The following FAM120B variants were observed in gnomAD, a reference collection of about 807,000 sequenced individuals.
The protein encoded by FAM120B is family with sequence similarity 120 member B.
A neutral mutation model predicts 96.3 loss-of-function variants in FAM120B; 83 were observed. The observed-to-expected ratio is 0.86, with a 90% CI of 0.72 to 1.03. The LOEUF (loss-of-function observed/expected upper bound fraction) is 1.03, where lower values mean the gene tolerates loss of function less well. FAM120B is among the 50% of genes least tolerant of loss of function. The probability of loss-of-function intolerance (pLI) is 0.00; values close to 1 mark genes in which losing one functional copy is unlikely to be tolerated. For synonymous variants in FAM120B, 407 were observed against 402.7 expected (o/e 1.01, Z -0.13); for missense variants, 1,027 against 1,121.2 (o/e 0.92, Z 1.20).
At chr6:170,332,825 G>A (rs936296024) in intron 4 of FAM120B, among the ~76,000 whole-genome samples, 1 of 152,016 alleles carries the variant, frequency 6.6e-6, no homozygotes, top group African/African-American at 2.4e-5. Context: ...GATTTTCCTT[G>A]TTCTTCTAAG....
At chr6:170,352,425 G>T (rs760262284) in intron 5 of FAM120B, among the ~76,000 whole-genome samples, 1 of 152,150 alleles carries the variant, frequency 6.6e-6, no homozygotes, top group Non-Finnish European at 1.5e-5. Flanking sequence ...GGATCACTTG[G>T]ACCTGATAGA....
At chr6:170,315,553 A>G (rs975928805) in intron 1 of FAM120B, among the ~76,000 whole-genome samples, 1 of 152,186 alleles carries the variant, frequency 6.6e-6, no homozygotes, top group African/African-American at 2.4e-5. Flanking sequence ...TGTTTCCAAG[A>G]TAAACTCTTT....
rs1429224420 is a variant in FAM120B, at chr6:170,323,188, T to TA, written c.1845dup (p.Pro616ThrfsTer62). 6.2e-7 allele frequency: 1 copy of TA among 1,603,132 alleles called. No individual in the cohort carries two copies. Among genetic ancestry groups the TA allele is most frequent in the Non-Finnish European group, 8.5e-7 (1 of 1,169,948 alleles). Reference sequence around the variant, plus strand: ...CTAGAAGATGAGCTTGACCAGGCCTTACCCAGCCAGGCCTTCATTTACCGT... The same window carrying TA: ...CTAGAAGATGAGCTTGACCAGGCCTTAACCCAGCCAGGCCTTCATTTACCGT... On this transcript the variant is annotated frameshift_variant, in exon 3 of 11. Coordinates refer to ENST00000476287, the MANE Select transcript of FAM120B (RefSeq NM_032448.3). LOFTEE classifies it high-confidence loss of function.
chr6:170,321,006 T>C (rs1785251381), intron 2 of FAM120B, among the ~76,000 whole-genome samples: 1 of 151,912 alleles, frequency 6.6e-6, no homozygotes, highest in Admixed American at 6.6e-5. Context: ...GGGTTGGGAG[T>C]GGAGGCAAAG....
chr6:170,303,155 C>T (rs1011862839), upstream of FAM120B, among the ~76,000 whole-genome samples: 1 of 152,166 alleles, frequency 6.6e-6, no homozygotes, highest in Non-Finnish European at 1.5e-5. Context: ...GTTGCCCACA[C>T]CACACACTCC....
intron 5 of FAM120B, among the ~76,000 whole-genome samples, chr6:170,355,466 A>G (rs1787848159): frequency 6.6e-6 from 1 of 152,190 alleles, no homozygotes; most frequent in Admixed American, 6.5e-5. Context: ...AAACACAGGA[A>G]CAGAAAACCA....
At chr6:170,316,830 G>A (rs1222680530) in intron 1 of FAM120B, among the ~76,000 whole-genome samples, 1 of 152,180 alleles carries the variant, frequency 6.6e-6, no homozygotes, top group East Asian at 1.9e-4. Context: ...GCCACTGTCT[G>A]TCCCCATCCC....
chr6:170,399,306 C>T (rs921890105), intron 9 of FAM120B, among the ~76,000 whole-genome samples: 1 of 147,640 alleles, frequency 6.8e-6, no homozygotes, highest in African/African-American at 2.6e-5. Flanking sequence ...AGAACTATGT[C>T]ATAACTCTTA....
chr6:170,347,159 T>A (rs1291978126), intron 4 of FAM120B, among the ~76,000 whole-genome samples: 1 of 152,116 alleles, frequency 6.6e-6, no homozygotes, highest in Non-Finnish European at 1.5e-5. Flanking sequence ...CTTTTTTGGG[T>A]CATTTGGACT....
intron 9 of FAM120B, among the ~76,000 whole-genome samples, chr6:170,400,518 T>G (rs953352293): frequency 1.3e-5 from 2 of 152,122 alleles, no homozygotes; most frequent in Non-Finnish European, 2.9e-5. Context: ...GTTCTGCCCC[T>G]TCCCAGTGGC....
At chr6:170,367,527 C>T (rs1229348248) in intron 6 of FAM120B, among the ~76,000 whole-genome samples, 1 of 152,248 alleles carries the variant, frequency 6.6e-6, no homozygotes, top group African/African-American at 2.4e-5. Context: ...GTGTTTCCAT[C>T]TGGCTCTTTC....
At chr6:170,350,312 A>G (rs1787491202) in intron 5 of FAM120B, among the ~76,000 whole-genome samples, 1 of 152,198 alleles carries the variant, frequency 6.6e-6, no homozygotes, top group Admixed American at 6.5e-5. Flanking sequence ...CCTCCTTAGA[A>G]GGGTCCAAGT....
rs774197650 is a variant in FAM120B at position 170,388,352 on chromosome 6, G to A, written c.2349G>A (p.Leu783=). Residue 783 remains leucine, a synonymous_variant, in exon 7 of 11, where the codon CTG becomes CTA. Transcript: ENST00000476287. ...GSLLVRGLTT[L]VLVNSACGFP... is the part of the protein sequence containing the mutation. ...TTCTCGTCCGCGGCCTCACCACTCT[G>A]GTTTTAGTCAACAGCGCATGTGGCT... 100 of 1,614,042 alleles carry A rather than the reference G, an allele frequency of 6.2e-5. No individual in the cohort carries two copies. Among genetic ancestry groups the A allele is most frequent in the Non-Finnish European group, 8.3e-5 (98 of 1,180,034 alleles).
chr6:170,402,697 C>T (rs1490061061), intron 9 of FAM120B, among the ~76,000 whole-genome samples: 1 of 152,222 alleles, frequency 6.6e-6, no homozygotes, highest in Non-Finnish European at 1.5e-5. Context: ...GTAGGGTTCC[C>T]TTCTCACCAC....
chr6:170,303,635 A>G (rs1333669443), upstream of FAM120B, among the ~76,000 whole-genome samples: 2 of 152,228 alleles, frequency 1.3e-5, no homozygotes, highest in Non-Finnish European at 2.9e-5. Context: ...TCTAGAAGAC[A>G]AGGATTTAAC....
At chr6:170,361,349 A>G (rs1314181457) in intron 6 of FAM120B, among the ~76,000 whole-genome samples, 1 of 151,038 alleles carries the variant, frequency 6.6e-6, no homozygotes, top group Non-Finnish European at 1.5e-5. Flanking sequence ...ATACACATTC[A>G]TTTACCTACA....
chr6:170,368,501 C>T (rs778253519), intron 6 of FAM120B, among the ~76,000 whole-genome samples: 9 of 152,086 alleles, frequency 5.9e-5, no homozygotes, highest in African/African-American at 1.2e-4. Flanking sequence ...GGCGCTTTAC[C>T]GATTAAATCC....
intron 4 of FAM120B, among the ~76,000 whole-genome samples, chr6:170,335,680 A>C (rs1786370400): frequency 6.6e-6 from 1 of 152,206 alleles, no homozygotes; most frequent in Admixed American, 6.5e-5. Context: ...AGCAGTGTAA[A>C]AGCATTCCTA....
chr6:170,358,182 A>G lies in FAM120B; in HGVS notation c.2191-44A>G, dbSNP rs1159930387. 4 of 1,477,562 alleles carry G rather than the reference A, an allele frequency of 2.7e-6. No homozygotes were observed. In the Middle Eastern group the frequency reaches 5.2e-4, roughly 191 times the overall value. The allele number at this position is 1,477,562 out of a possible 1,614,324, so 91.5% of individuals were successfully genotyped here. A position where few individuals can be genotyped will look rare whatever the true frequency, so the allele number is the denominator to read the frequency against. On this transcript the variant is annotated intron_variant, in intron 5 of 10. Coordinates refer to ENST00000476287, the MANE Select transcript of FAM120B (RefSeq NM_032448.3). ...GAGATCAATTTGTAAGAAATGTTTA[A>G]TTTTTCCTGTAGCCTAACACTGGCC...
Sources: gnomAD v4.1 joint callset for allele counts (sites outside exome capture counted in the v4.1 genomes callset) on GRCh38, gnomAD v4.1.1 for gene constraint, MANE v1.5 for transcripts, NCBI Gene and HGNC (gene_info 2026-07-23, HGNC 2026-07-21) for gene names.